HDAC4: variants seen among roughly 807,000 people sequenced by gnomAD.
HDAC4 encodes the protein histone deacetylase 4, also known as histone deacetylase A.
Under a neutral mutation model 135.1 loss-of-function variants are expected in HDAC4, and 16 were observed. The ratio of observed to expected loss-of-function variants is 0.12; its 90% CI spans 0.08 to 0.18. The LOEUF (loss-of-function observed/expected upper bound fraction) is 0.18. HDAC4 is among the 10% of genes least tolerant of loss of function. The pLI, the probability that HDAC4 is intolerant of heterozygous loss-of-function variation, is 1.00. For synonymous variants in HDAC4, 685 were observed against 653.4 expected, an observed-to-expected ratio of 1.05 and a Z score of -0.74; for missense variants, 1,143 against 1,511.8, an observed-to-expected ratio of 0.76 and a Z score of 4.05.
intron 3 of HDAC4, among the ~76,000 whole-genome samples, chr2:239,192,816 G>C (rs1027540786): frequency 6.6e-6 from 1 of 152,198 alleles, no homozygotes; most frequent in African/African-American, 2.4e-5. Context: ...AAGTTACACA[G>C]TCAGCACCCA....
chr2:239,339,644 A>G (rs182799442), intron 2 of HDAC4, among the ~76,000 whole-genome samples: 3 of 152,334 alleles, frequency 2.0e-5, no homozygotes, highest in African/African-American at 7.2e-5. Flanking sequence ...CTTCCCAGAG[A>G]ACCACACATG....
chr2:239,158,639 T>C (rs2042574488), intron 6 of HDAC4, among the ~76,000 whole-genome samples: 1 of 151,944 alleles, frequency 6.6e-6, no homozygotes, highest in Non-Finnish European at 1.5e-5. Context: ...CCTCGATGGA[T>C]CCAGAGACCT....
intron 6 of HDAC4, among the ~76,000 whole-genome samples, chr2:239,158,292 C>G (rs1355224429): frequency 6.6e-6 from 1 of 152,190 alleles, no homozygotes; most frequent in Non-Finnish European, 1.5e-5. Flanking sequence ...AGTCTGGGAC[C>G]ATTTCCGCGT....
chr2:239,089,694 G>A (rs1039120770), intron 18 of HDAC4: 2 of 346,010 alleles, frequency 5.8e-6, no homozygotes, highest in Admixed American at 9.0e-5. Context: ...TCAATATTGT[G>A]GATATAACTC....
intron 6 of HDAC4, among the ~76,000 whole-genome samples, chr2:239,163,169 T>C (rs892794749): frequency 3.3e-5 from 5 of 152,098 alleles, no homozygotes; most frequent in Admixed American, 6.5e-5. Context: ...TCTCTGTCAA[T>C]TGCGTGGGCC....
chr2:239,370,421 G>C (rs1403426836), intron 1 of HDAC4, among the ~76,000 whole-genome samples: 1 of 152,178 alleles, frequency 6.6e-6, no homozygotes, highest in Non-Finnish European at 1.5e-5. Flanking sequence ...CAGTTTTAAA[G>C]ACTGCTACTT....
At chr2:239,273,395 C>A in intron 2 of HDAC4, among the ~76,000 whole-genome samples, 1 of 152,322 alleles carries the variant, frequency 6.6e-6, no homozygotes, top group Non-Finnish European at 1.5e-5. Flanking sequence ...TGTAAAGCAA[C>A]GAGCTCATTC....
At chr2:239,058,693 ATATT>A (rs1388968144) in intron 24 of HDAC4, among the ~76,000 whole-genome samples, 4 of 152,246 alleles carry the variant, frequency 2.6e-5, no homozygotes, top group Non-Finnish European at 5.9e-5. Context: ...TCAAATGTCT[ATATT>A]TAGTAAAGCA....
At chr2:239,144,507 C>T (rs2041619850) in intron 8 of HDAC4, 76 bp downstream of exon 8, 1 of 1,595,028 alleles carries the variant, frequency 6.3e-7, no homozygotes, top group Admixed American at 1.7e-5. Context: ...TCAGAAGCTC[C>T]TGAGAGAAAT....
Position 239,387,855 on chromosome 2 carries a change from A to T in HDAC4, c.-220+13123T>A, listed in dbSNP as rs1181530750. Among the ~76,000 whole-genome samples, 3 of 152,140 alleles carry T rather than the reference A, an allele frequency of 2.0e-5. No individual in the cohort carries two copies. The East Asian group carries it at 5.8e-4, about 30-fold the overall frequency. On this transcript the variant is annotated intron_variant, in intron 1 of 26. Transcript: ENST00000543185. Reference sequence around the variant, plus strand: ...CCTCCTGCCTGGGGCTCATGGTTCCACCACGCATTGCAATGGGCACTAAGG... The same window carrying T: ...CCTCCTGCCTGGGGCTCATGGTTCCTCCACGCATTGCAATGGGCACTAAGG...
chr2:239,072,846 G>T (rs762553813), intron 22 of HDAC4, among the ~76,000 whole-genome samples: 8 of 152,204 alleles, frequency 5.3e-5, no homozygotes, highest in Non-Finnish European at 1.2e-4. Context: ...AAGTTCCTCT[G>T]ATTTCTGGTG....
chr2:239,231,023 T>C (rs2047520900), intron 3 of HDAC4, among the ~76,000 whole-genome samples: 2 of 152,218 alleles, frequency 1.3e-5, no homozygotes, highest in Non-Finnish European at 2.9e-5. Flanking sequence ...CCCTTAGATG[T>C]GGGAATCCAA....
chr2:239,370,295 T>G (rs1694513002), intron 1 of HDAC4, among the ~76,000 whole-genome samples: 1 of 152,188 alleles, frequency 6.6e-6, no homozygotes, highest in African/African-American at 2.4e-5. Context: ...CTCTGAAATG[T>G]TCCAACTCCC....
intron 1 of HDAC4, among the ~76,000 whole-genome samples, chr2:239,356,958 A>T (rs1693527357): frequency 6.6e-6 from 1 of 152,240 alleles, no homozygotes; most frequent in Non-Finnish European, 1.5e-5. Flanking sequence ...TGCTCTTAGT[A>T]GCTGTTAGAA....
chr2:239,148,125 G>C (rs548309241), intron 7 of HDAC4, among the ~76,000 whole-genome samples: 1 of 152,190 alleles, frequency 6.6e-6, no homozygotes, highest in Admixed American at 6.5e-5. Flanking sequence ...ACGCAATATC[G>C]CCGTGGGACA....
chr2:239,361,366 CAA>C (rs1693856639), intron 1 of HDAC4, among the ~76,000 whole-genome samples: 1 of 152,222 alleles, frequency 6.6e-6, no homozygotes, highest in South Asian at 2.1e-4. Context: ...GATCTGATAT[CAA>C]AGATTCCAGA....
At chr2:239,368,262 A>G (rs1283212184) in intron 1 of HDAC4, among the ~76,000 whole-genome samples, 1 of 152,180 alleles carries the variant, frequency 6.6e-6, no homozygotes, top group Non-Finnish European at 1.5e-5. Flanking sequence ...GAGACACAGG[A>G]GGGCCCTGAA....
At chr2:239,193,115 T>C (rs2045113853) in intron 3 of HDAC4, among the ~76,000 whole-genome samples, 1 of 152,176 alleles carries the variant, frequency 6.6e-6, no homozygotes, top group Non-Finnish European at 1.5e-5. Context: ...CATTTATCCC[T>C]GTGTGGGGGG....
At chr2:239,171,633 TA>T (rs1355581149) in intron 5 of HDAC4, among the ~76,000 whole-genome samples, 3 of 152,002 alleles carry the variant, frequency 2.0e-5, no homozygotes, top group Admixed American at 6.5e-5. Flanking sequence ...CATAACAGTA[TA>T]AAACAACAGA....
Sources: allele counts gnomAD v4.1 joint callset (sites outside exome capture counted in the v4.1 genomes callset), GRCh38; gene constraint gnomAD v4.1.1; transcripts MANE v1.5; gene names NCBI Gene and HGNC (gene_info 2026-07-23, HGNC 2026-07-21).